Variants in NME8 observed in about 807,000 individuals in gnomAD.
The protein encoded by NME8 is protein NME8.
NME8 carries 72 observed loss-of-function variants against 82.3 expected under a neutral mutation model. The observed-to-expected ratio is 0.87, with a 90% CI of 0.72 to 1.06. The LOEUF is 1.06. Among genes scored for constraint, NME8 ranks in the 50% least tolerant of loss-of-function variants. NME8 has a pLI of 0.00. For missense variants in NME8, 712 were observed against 685.4 expected (o/e 1.04, Z -0.43); for synonymous variants, 267 against 228.5 (o/e 1.17, Z -1.52).
At position 37,897,111 on chromosome 7, in the gene NME8, C is replaced by T. The variant is rs374600320; in HGVS notation, c.*15+4C>T. Reference sequence around the variant, plus strand: ...AAACTAAAGTATATACTGTGAAGTACGTACCTGTTTAATTATTATTTTATT... The same window carrying T: ...AAACTAAAGTATATACTGTGAAGTATGTACCTGTTTAATTATTATTTTATT... On this transcript the variant is annotated splice_donor_region_variant and intron_variant, in intron 17 of 17. Coordinates refer to ENST00000199447, the MANE Select transcript of NME8 (RefSeq NM_016616.5). The T allele has an allele frequency of 4.8e-6, 7 of 1,473,204 alleles. No individual in the cohort carries two copies. The highest frequency in any genetic ancestry group is 4.5e-5 in the East Asian group (2 of 44,016). 91.3% of individuals were successfully genotyped at this position (1,473,204 alleles called of 1,614,324 possible). A position where few individuals can be genotyped will look rare whatever the true frequency, so the allele number is the denominator to read the frequency against.
intron 17 of NME8, among the ~76,000 whole-genome samples, chr7:37,899,601 A>G (rs1583649484): frequency 6.6e-6 from 1 of 152,240 alleles, no homozygotes; most frequent in South Asian, 2.1e-4. Flanking sequence ...TGATGGGATG[A>G]TCTGTGCAGC....
chr7:37,849,863 A>G (rs1447868710), intron 2 of NME8, among the ~76,000 whole-genome samples: 1 of 69,306 alleles, frequency 1.4e-5, no homozygotes, highest in Non-Finnish European at 3.2e-5. Context: ...GAGTGAGACT[A>G]TGTCTCAAAA....
At chr7:37,864,308 A>T in intron 8 of NME8, 40 bp from the exon 9 acceptor site, 1 of 1,568,862 alleles carries the variant, frequency 6.4e-7, no homozygotes, top group Non-Finnish European at 8.7e-7. Context: ...ACTTCGTGCC[A>T]AGAAAATGAA....
intron 10 of NME8, among the ~76,000 whole-genome samples, 185 bp from the exon 11 acceptor site, chr7:37,867,516 TA>T (rs1286154875): frequency 3.3e-5 from 5 of 152,036 alleles, no homozygotes; most frequent in Non-Finnish European, 5.9e-5. Flanking sequence ...TATTTTTCAA[TA>T]AAAAGCAAAA....
chr7:37,879,907 A>G (rs1237092566), intron 12 of NME8, among the ~76,000 whole-genome samples: 1 of 152,210 alleles, frequency 6.6e-6, no homozygotes, highest in Non-Finnish European at 1.5e-5. Context: ...GGTAAATAAT[A>G]TTACCTTAGT....
intron 11 of NME8, among the ~76,000 whole-genome samples, chr7:37,869,499 C>T (rs573216907): frequency 1.3e-4 from 20 of 152,174 alleles, no homozygotes; most frequent in African/African-American, 4.6e-4. Context: ...GGTAGTAAAC[C>T]TCCATTACAA....
intron 10 of NME8, 131 bp downstream of exon 10, chr7:37,865,748 G>T (rs867182534): frequency 2.9e-6 from 2 of 678,284 alleles, no homozygotes; most frequent in Non-Finnish European, 5.3e-6. Flanking sequence ...TGTCCCTGTT[G>T]GTGTCCATAT....
At chr7:37,885,825 G>A (rs1053997009) in intron 14 of NME8, among the ~76,000 whole-genome samples, 4 of 152,098 alleles carry the variant, frequency 2.6e-5, no homozygotes, top group Admixed American at 6.6e-5. Flanking sequence ...AGTATCTCAC[G>A]CATCTCCATA....
At chr7:37,858,988 A>G (rs535113850) in intron 6 of NME8, among the ~76,000 whole-genome samples, 8 of 152,214 alleles carry the variant, frequency 5.3e-5, no homozygotes, top group African/African-American at 1.9e-4. Context: ...CTCTCTCCAC[A>G]TGACATGCTG....
intron 11 of NME8, among the ~76,000 whole-genome samples, chr7:37,873,085 A>T (rs1055232569): frequency 7.2e-5 from 11 of 152,208 alleles, no homozygotes; most frequent in Non-Finnish European, 1.2e-4. Context: ...AAATACAGAC[A>T]ATGAAAATAG....
chr7:37,886,289 C>T (rs549486901), intron 14 of NME8, among the ~76,000 whole-genome samples: 1 of 152,272 alleles, frequency 6.6e-6, no homozygotes, highest in African/African-American at 2.4e-5. Flanking sequence ...CAACACAAGG[C>T]CTGTGCCAGT....
At position 37,850,642 on chromosome 7, in the gene NME8, C is replaced by A; in HGVS notation, c.105C>A (p.Tyr35Ter). The A allele has an allele frequency of 6.2e-7, 1 of 1,610,172 alleles. No individual in the cohort carries two copies. The highest frequency in any genetic ancestry group is 8.5e-7 in the Non-Finnish European group (1 of 1,176,382). The change falls in exon 5 of 18, where the codon TAC (tyrosine) becomes TAA (stop). Residue 35 changes from tyrosine (Y) to a stop codon, truncating the protein, a stop_gained. Coordinates refer to ENST00000199447, the MANE Select transcript of NME8 (RefSeq NM_016616.5). LOFTEE classifies it high-confidence loss of function. ...ATCATCTTCTAGTGATTGATGTTTA[C>A]CAAGCCTGGTGTGGACCTTGCAGAG... is the stretch of plus-strand genomic sequence containing the variant. ...QNKGLTVIDV[Y>*]QAWCGPCRAM...
rs1784400680 is a variant in NME8 at position 37,848,994 on chromosome 7, C to T, written c.-70C>T. On this transcript the variant is annotated 5_prime_UTR_variant, in exon 2 of 18. Transcript: ENST00000199447. The stretch of plus-strand genomic sequence containing the variant: ...CAACGAGGGAGCCGATTTAGATCCT[C>T]TGGGCCTGTTCCTTCCTTTTCTTTA... The T allele has an allele frequency of 6.6e-6, 1 of 152,454 alleles. No individual in the cohort carries two copies. The highest frequency in any genetic ancestry group is 2.1e-4 in the South Asian group (1 of 4,824). 9.4% of individuals were successfully genotyped at this position (152,454 alleles called of 1,614,324 possible).
intron 12 of NME8, among the ~76,000 whole-genome samples, chr7:37,883,255 A>T (rs1239000105): frequency 2.0e-5 from 3 of 152,212 alleles, no homozygotes; most frequent in Non-Finnish European, 4.4e-5. Flanking sequence ...AACTGTGGTC[A>T]TCAGGTACCC....
chr7:37,877,354 T>A (rs73120907), intron 12 of NME8, among the ~76,000 whole-genome samples: 4,751 of 152,254 alleles, frequency 0.031, 117 homozygotes, highest in Non-Finnish European at 0.041. Flanking sequence ...TTTTACCAAG[T>A]TTATTTCTTC....
intron 17 of NME8, among the ~76,000 whole-genome samples, chr7:37,898,466 T>A (rs1785263878): frequency 6.6e-6 from 1 of 152,192 alleles, no homozygotes; most frequent in Non-Finnish European, 1.5e-5. Context: ...AGGAAGAAAC[T>A]ACCCAAGTGT....
chr7:37,875,216 A>G (rs1012873880), intron 11 of NME8, among the ~76,000 whole-genome samples: 6 of 152,232 alleles, frequency 3.9e-5, no homozygotes, highest in Non-Finnish European at 7.3e-5. Context: ...TGGGACAACT[A>G]CATGCAATAT....
At position 37,867,823 on chromosome 7, in the gene NME8, C is replaced by A. The variant is rs199973571; in HGVS notation, c.743C>A (p.Pro248His). 2.2e-5 allele frequency: 36 copies of A among 1,613,792 alleles called. No homozygotes were observed. The African/African-American group carries it at 3.3e-4, about 15-fold the overall frequency. The change falls in exon 11 of 18, where the codon CCT (proline) becomes CAT (histidine). Residue 248 changes from proline to histidine, a missense_variant. Physicochemically the swap from Pro to His is moderately conservative, Grantham distance 77 (BLOSUM62 -2). Coordinates refer to ENST00000199447, the MANE Select transcript of NME8 (RefSeq NM_016616.5). ...EETEPQTDTEPNERSEDQPEV... is the reference protein window; with the variant it reads ...EETEPQTDTEHNERSEDQPEV... Reference sequence around the variant, plus strand: ...ACCGAACCACAGACTGACACCGAACCTAACGAACGATCTGAGGATCAACCT... The same window carrying A: ...ACCGAACCACAGACTGACACCGAACATAACGAACGATCTGAGGATCAACCT...
At chr7:37,891,175 A>G (rs568152969) in intron 15 of NME8, among the ~76,000 whole-genome samples, 172 of 152,072 alleles carry the variant, frequency 1.1e-3, no homozygotes, top group African/African-American at 4.0e-3. Context: ...TATGCTGTAT[A>G]TTAACCTTTT....
Sources: allele counts gnomAD v4.1 joint callset (sites outside exome capture counted in the v4.1 genomes callset), GRCh38; gene constraint gnomAD v4.1.1; transcripts MANE v1.5; gene names NCBI Gene and HGNC (gene_info 2026-07-23, HGNC 2026-07-21).